NRG1: variants seen among roughly 807,000 people sequenced by gnomAD.
NRG1 encodes the protein pro-neuregulin-1, membrane-bound isoform.
In NRG1, 18 loss-of-function variants were observed where a neutral mutation model predicts 63.8. The observed-to-expected ratio is 0.28, with a 90% CI of 0.19 to 0.42. The LOEUF is 0.42. Among genes scored for constraint, NRG1 ranks in the 10% least tolerant of loss-of-function variants. The probability of loss-of-function intolerance (pLI) is 1.00; values close to 1 mark genes in which losing one functional copy is unlikely to be tolerated. For missense variants in NRG1, 762 were observed against 814.7 expected (o/e 0.94, Z 0.79); for synonymous variants, 302 against 301.3 (o/e 1.00, Z -0.02).
At chr8:32,447,848 C>CA (rs35074926) in intron 1 of NRG1, among the ~76,000 whole-genome samples, 8,243 of 125,310 alleles carry the variant, frequency 0.066, 1,071 homozygotes, top group East Asian at 0.61. Flanking sequence ...AACCCTGTGT[C>CA]AAAAAAAAAA....
chr8:32,097,619 A>G (rs1407496450), intron 1 of NRG1, among the ~76,000 whole-genome samples: 1 of 152,108 alleles, frequency 6.6e-6, no homozygotes, highest in Non-Finnish European at 1.5e-5. Context: ...ATTGGGTTAG[A>G]TTAGAGGGGA....
Position 32,388,066 on chromosome 8 carries a change from C to T in NRG1, c.38-207762C>T, listed in dbSNP as rs73677014. On this transcript the variant is annotated intron_variant, in intron 1 of 10. Transcript: ENST00000519301. ...CAGGTTCAGCGTAGTCAATGAGCAACATGAAATGAAATTTCCAATCAGAAT... is the reference window on the plus strand; with the variant it reads ...CAGGTTCAGCGTAGTCAATGAGCAATATGAAATGAAATTTCCAATCAGAAT... Among the ~76,000 whole-genome samples, 1,384 of 152,328 alleles carry T rather than the reference C, an allele frequency of 9.1e-3. 24 individuals are homozygous for T. The highest frequency in any genetic ancestry group is 0.032 in the African/African-American group (1,334 of 41,572).
chr8:32,237,397 CT>C (rs1261174464), intron 1 of NRG1, among the ~76,000 whole-genome samples: 1 of 151,296 alleles, frequency 6.6e-6, no homozygotes, highest in Admixed American at 6.6e-5. Flanking sequence ...CAGAGAATTG[CT>C]TTTTTTTTCT....
At chr8:32,700,550 A>G (rs1006565460) in intron 5 of NRG1, among the ~76,000 whole-genome samples, 1 of 152,164 alleles carries the variant, frequency 6.6e-6, no homozygotes, top group Non-Finnish European at 1.5e-5. Flanking sequence ...TTATTCAACT[A>G]GTATTATCTT....
chr8:31,829,608 G>A (rs1447820308), intron 1 of NRG1, among the ~76,000 whole-genome samples: 1 of 152,184 alleles, frequency 6.6e-6, no homozygotes, highest in Non-Finnish European at 1.5e-5. Flanking sequence ...AGCTGGGGAC[G>A]ATACTCTGTG....
At chr8:32,649,604 T>C (rs545304373) in intron 5 of NRG1, among the ~76,000 whole-genome samples, 3 of 152,346 alleles carry the variant, frequency 2.0e-5, no homozygotes, top group South Asian at 2.1e-4. Context: ...CCAGACATCA[T>C]GTTCAGTGTG....
chr8:32,189,899 T>C (rs1842321925), intron 1 of NRG1, among the ~76,000 whole-genome samples: 1 of 152,164 alleles, frequency 6.6e-6, no homozygotes, highest in Non-Finnish European at 1.5e-5. Flanking sequence ...TAGTAGATTA[T>C]TATTTTGTAG....
chr8:32,358,202 G>A (rs969240840), intron 1 of NRG1, among the ~76,000 whole-genome samples: 8 of 151,952 alleles, frequency 5.3e-5, no homozygotes, highest in Non-Finnish European at 8.8e-5. Flanking sequence ...GGAGTACTAG[G>A]GAATTGGGAT....
At chr8:32,263,471 C>T (rs1359734023) in intron 1 of NRG1, among the ~76,000 whole-genome samples, 1 of 152,048 alleles carries the variant, frequency 6.6e-6, no homozygotes, top group South Asian at 2.1e-4. Flanking sequence ...CAGTGAGAGC[C>T]CCCCATCCTG....
chr8:32,089,508 A>T lies in NRG1; in HGVS notation c.37+450077A>T, dbSNP rs183996039. On this transcript the variant is annotated intron_variant, in intron 1 of 10. Transcript: ENST00000519301. ...TTTAAGTGCTTATTTCAAACGGAAA[A>T]TTTTTTTTTTAAATGCCAGATTTTT... is the stretch of plus-strand genomic sequence containing the variant. 2.0e-3 allele frequency among the ~76,000 whole-genome samples: 296 copies of T among 150,860 alleles called. 3 individuals carry two copies. Among genetic ancestry groups the T allele is most frequent in the Middle Eastern group, 0.01 (3 of 292 alleles).
intron 1 of NRG1, among the ~76,000 whole-genome samples, chr8:32,091,103 C>T (rs1829069454): frequency 6.6e-6 from 1 of 151,836 alleles, no homozygotes; most frequent in South Asian, 2.1e-4. Context: ...CACGGTGAAA[C>T]CTGTCTCTAC....
intron 1 of NRG1, among the ~76,000 whole-genome samples, chr8:32,178,411 A>G (rs971736887): frequency 2.0e-5 from 3 of 152,056 alleles, no homozygotes; most frequent in Non-Finnish European, 4.4e-5. Flanking sequence ...GCAGTTAGAG[A>G]CCAGCCTGAC....
At chr8:32,773,822 C>G (rs1831944568) in intron 7 of NRG1, among the ~76,000 whole-genome samples, 1 of 152,140 alleles carries the variant, frequency 6.6e-6, no homozygotes, top group Admixed American at 6.5e-5. Context: ...CCTTCACAAT[C>G]TGGCTTCTGT....
rs548287461 is a variant in NRG1 at position 32,636,710 on chromosome 8, G to T, written c.502+19825G>T. ...CTTCTCAATAAAAAAATGGTATTGG[G>T]TGAGGGGAGGGGGACAGAAAAAGCT... is the stretch of plus-strand genomic sequence containing the variant. On this transcript the variant is annotated intron_variant, in intron 5 of 11. Coordinates refer to ENST00000356819, the Ensembl canonical transcript of NRG1. 1.4e-3 allele frequency among the ~76,000 whole-genome samples: 208 copies of T among 152,246 alleles called. 1 individual carries two copies. The highest frequency in any genetic ancestry group is 3.7e-3 in the Admixed American group (56 of 15,284).
chr8:32,358,403 G>A (rs1006117162), intron 1 of NRG1, among the ~76,000 whole-genome samples: 3 of 146,246 alleles, frequency 2.1e-5, no homozygotes, highest in African/African-American at 2.6e-5. Flanking sequence ...CATGGGAGTG[G>A]TTCTCCTCTC....
chr8:31,977,146 T>G (rs940667294), intron 1 of NRG1, among the ~76,000 whole-genome samples: 1 of 152,198 alleles, frequency 6.6e-6, no homozygotes, highest in African/African-American at 2.4e-5. Context: ...TGTTCAAATA[T>G]TTTAAAAGCA....
chr8:31,800,274 C>T (rs1315067769), intron 1 of NRG1, among the ~76,000 whole-genome samples: 1 of 152,048 alleles, frequency 6.6e-6, no homozygotes, highest in Non-Finnish European at 1.5e-5. Context: ...AAGGATAGAG[C>T]AGGTGGTGGG....
At chr8:31,909,129 G>C (rs1057047889) in intron 1 of NRG1, among the ~76,000 whole-genome samples, 2 of 152,036 alleles carry the variant, frequency 1.3e-5, no homozygotes, top group African/African-American at 4.8e-5. Context: ...AGCAAATATT[G>C]GCTTTATTGG....
intron 1 of NRG1, among the ~76,000 whole-genome samples, chr8:32,256,139 G>A (rs1033027699): frequency 6.6e-6 from 1 of 151,684 alleles, no homozygotes; most frequent in Non-Finnish European, 1.5e-5. Context: ...TACCTTCCTT[G>A]CATTGGGAGG....
Sources: allele counts gnomAD v4.1 joint callset (sites outside exome capture counted in the v4.1 genomes callset), GRCh38; gene constraint gnomAD v4.1.1; transcripts MANE v1.5; gene names NCBI Gene and HGNC (gene_info 2026-07-23, HGNC 2026-07-21).